Variants in COL14A1 observed in about 807,000 individuals in gnomAD.
The protein encoded by COL14A1 is collagen alpha-1(XIV) chain.
A neutral mutation model predicts 230.3 loss-of-function variants in COL14A1; 136 were observed. The observed-to-expected ratio is 0.59, with a 90% CI of 0.51 to 0.68. The LOEUF (loss-of-function observed/expected upper bound fraction) is 0.68. COL14A1 is among the 30% of genes least tolerant of loss of function. The probability of loss-of-function intolerance (pLI) is 0.00; values close to 1 mark genes in which losing one functional copy is unlikely to be tolerated. For synonymous variants in COL14A1, 792 were observed against 784.1 expected (o/e 1.01, Z -0.17); for missense variants, 1,976 against 2,215.8 (o/e 0.89, Z 2.17).
At position 120,181,789 on chromosome 8, in the gene COL14A1, A is replaced by T. The variant is rs182326141; in HGVS notation, c.436+13542A>T. ...TTCTTTTTGAAACATAGACCCCCCC[A>T]AAAAATACAAAAATTAGCCAGGCAT... On this transcript the variant is annotated intron_variant, in intron 5 of 47. Coordinates refer to ENST00000297848, the MANE Select transcript of COL14A1 (RefSeq NM_021110.4). 3.4e-4 allele frequency among the ~76,000 whole-genome samples: 51 copies of T among 152,054 alleles called. 2 individuals carry two copies. In the East Asian group the frequency reaches 6.8e-3, roughly 20 times the overall value.
chr8:120,351,544 G>C (rs1822778665), intron 45 of COL14A1, among the ~76,000 whole-genome samples: 2 of 109,974 alleles, frequency 1.8e-5, no homozygotes, highest in Admixed American at 9.5e-5. Flanking sequence ...AATAAAAAAT[G>C]ATAAAGGGGA....
chr8:120,328,277 A>G (rs1189213542), intron 40 of COL14A1, among the ~76,000 whole-genome samples: 2 of 151,940 alleles, frequency 1.3e-5, no homozygotes, highest in Non-Finnish European at 2.9e-5. Flanking sequence ...TCTATCACCC[A>G]GACTGGAGTG....
At chr8:120,225,532 A>G (rs1417924526) in intron 15 of COL14A1, among the ~76,000 whole-genome samples, 4 of 152,144 alleles carry the variant, frequency 2.6e-5, no homozygotes, top group South Asian at 2.1e-4. Flanking sequence ...TCCTTCTTCC[A>G]TTCAAATGAG....
At chr8:120,243,790 T>G in intron 19 of COL14A1, 89 bp from the exon 20 acceptor site, 1 of 1,437,092 alleles carries the variant, frequency 7.0e-7, no homozygotes, top group East Asian at 2.4e-5. Context: ...TTTCTTTTGA[T>G]TATTTCAAAA....
At chr8:120,137,886 GT>G (rs949100021) in intron 1 of COL14A1, among the ~76,000 whole-genome samples, 13 of 151,870 alleles carry the variant, frequency 8.6e-5, no homozygotes, top group African/African-American at 2.9e-4. Context: ...GGGATTATGG[GT>G]GTGAGTCACC....
chr8:120,353,943 T>C (rs1822873277), intron 45 of COL14A1, among the ~76,000 whole-genome samples: 1 of 145,902 alleles, frequency 6.9e-6, no homozygotes, highest in Non-Finnish European at 1.5e-5. Context: ...CATGCACATG[T>C]ATGTTTATTG....
intron 19 of COL14A1, among the ~76,000 whole-genome samples, chr8:120,242,385 G>A (rs1312210015): frequency 6.6e-6 from 1 of 152,174 alleles, no homozygotes; most frequent in African/African-American, 2.4e-5. Flanking sequence ...AGTATTCCAT[G>A]TGCTAAATTT....
intron 19 of COL14A1, among the ~76,000 whole-genome samples, chr8:120,233,106 A>G (rs1018389522): frequency 6.6e-6 from 1 of 151,952 alleles, no homozygotes; most frequent in Non-Finnish European, 1.5e-5. Flanking sequence ...CCACTTTTTG[A>G]TGGAGTTGTT....
In COL14A1 at chr8:120,147,812, G is replaced by C; in HGVS notation, c.-31G>C. The stretch of plus-strand genomic sequence containing the variant: ...CTGTTCTCTCTGTTTCTAGGTGGCT[G>C]CTACACCCCATGTAAAAAGCGGAAA... On this transcript the variant is annotated 5_prime_UTR_variant, in exon 2 of 48. Coordinates refer to ENST00000297848, the MANE Select transcript of COL14A1 (RefSeq NM_021110.4). 1 of 1,562,234 alleles carries C rather than the reference G, an allele frequency of 6.4e-7. No individual in the cohort carries two copies. Among genetic ancestry groups the C allele is most frequent in the Non-Finnish European group, 8.8e-7 (1 of 1,136,308 alleles).
At chr8:120,260,326 A>C (rs1033362129) in intron 23 of COL14A1, among the ~76,000 whole-genome samples, 1 of 152,104 alleles carries the variant, frequency 6.6e-6, no homozygotes, top group Non-Finnish European at 1.5e-5. Flanking sequence ...TGCATATCAA[A>C]ATATGGATGG....
chr8:120,234,027 C>T (rs1402813811), intron 19 of COL14A1, among the ~76,000 whole-genome samples: 1 of 152,138 alleles, frequency 6.6e-6, no homozygotes, highest in Non-Finnish European at 1.5e-5. Context: ...TGAAGAGGTC[C>T]TTCACATCCT....
chr8:120,246,735 A>G (rs1818777797), intron 20 of COL14A1, among the ~76,000 whole-genome samples: 1 of 152,236 alleles, frequency 6.6e-6, no homozygotes, highest in Non-Finnish European at 1.5e-5. Context: ...GGCCAACACA[A>G]CTACGTTTTA....
intron 42 of COL14A1, among the ~76,000 whole-genome samples, chr8:120,335,046 G>A (rs1563743943): frequency 6.6e-6 from 1 of 152,112 alleles, no homozygotes; most frequent in Non-Finnish European, 1.5e-5. Flanking sequence ...CCCAGGCTAG[G>A]AAAAAGCAAG....
At chr8:120,202,325 C>G (rs1283818620) in intron 8 of COL14A1, among the ~76,000 whole-genome samples, 2 of 152,170 alleles carry the variant, frequency 1.3e-5, no homozygotes, top group African/African-American at 2.4e-5. Flanking sequence ...GCAAATAGTT[C>G]AGAGACAACT....
chr8:120,291,646 A>G (rs182684207), intron 34 of COL14A1, among the ~76,000 whole-genome samples: 2 of 151,812 alleles, frequency 1.3e-5, no homozygotes, highest in African/African-American at 4.8e-5. Context: ...AGATCACATA[A>G]TACTATTATT....
At chr8:120,329,120 A>AT (rs1821784299) in intron 40 of COL14A1, among the ~76,000 whole-genome samples, 1 of 152,196 alleles carries the variant, frequency 6.6e-6, no homozygotes, top group South Asian at 2.1e-4. Flanking sequence ...AAATAAGAAT[A>AT]TATTATTATA....
intron 45 of COL14A1, among the ~76,000 whole-genome samples, chr8:120,360,605 A>G (rs979951175): frequency 6.6e-6 from 1 of 152,210 alleles, no homozygotes; most frequent in Admixed American, 6.5e-5. Flanking sequence ...GGGCTCAGCC[A>G]TATTGGAAAG....
chr8:120,339,236 C>T (rs1462003816), intron 42 of COL14A1, among the ~76,000 whole-genome samples: 3 of 152,156 alleles, frequency 2.0e-5, no homozygotes, highest in Non-Finnish European at 4.4e-5. Context: ...TGATCAAGGC[C>T]TTTGCGATCC....
rs918795564 is a variant in COL14A1, at chr8:120,270,036, A to G, written c.3075A>G (p.Val1025=). 6.2e-6 allele frequency: 10 copies of G among 1,610,886 alleles called. No individual in the cohort carries two copies. The highest frequency in any genetic ancestry group is 8.5e-6 in the Non-Finnish European group (10 of 1,177,938). ...FPPTIPPAKE[V]CKAAKADLVF... ...TCAAAATTCATTGTTGGTCTTCAGT[A>G]TGTAAGGCGGCCAAGGCTGACCTGG... Residue 1025 remains valine (V), a splice_region_variant and synonymous_variant, in exon 26 of 48, where the codon GTA becomes GTG. Coordinates refer to ENST00000297848, the MANE Select transcript of COL14A1 (RefSeq NM_021110.4).
Sources: gnomAD v4.1 joint callset for allele counts (sites outside exome capture counted in the v4.1 genomes callset) on GRCh38, gnomAD v4.1.1 for gene constraint, MANE v1.5 for transcripts, NCBI Gene and HGNC (gene_info 2026-07-23, HGNC 2026-07-21) for gene names.